Variants in PRDM1 observed in about 807,000 individuals in gnomAD.
PRDM1 encodes PR domain zinc finger protein 1.
In PRDM1, 13 loss-of-function variants were observed where a neutral mutation model predicts 62.8. The observed-to-expected ratio is 0.21, with a 90% confidence interval of 0.13 to 0.33. The LOEUF (loss-of-function observed/expected upper bound fraction) is 0.33, where lower values mean the gene tolerates loss of function less well. Ranked by LOEUF, PRDM1 falls within the 10% of genes least tolerant of loss-of-function variation. The probability of loss-of-function intolerance (pLI) is 1.00; values close to 1 mark genes in which losing one functional copy is unlikely to be tolerated. For synonymous variants in PRDM1, 396 were observed against 417.6 expected, an observed-to-expected ratio of 0.95 and a Z score of 0.63; for missense variants, 895 against 1,058.8, an observed-to-expected ratio of 0.85 and a Z score of 2.15.
chr6:106,038,151 A>G (rs535470817), intron 1 of PRDM1, among the ~76,000 whole-genome samples: 28 of 149,628 alleles, frequency 1.9e-4, no homozygotes, highest in Non-Finnish European at 3.6e-4. Context: ...TGCCCAGGTA[A>G]TTTTTCTATT....
chr6:106,022,565 C>A (rs1772708065), intron 1 of PRDM1, among the ~76,000 whole-genome samples: 1 of 151,926 alleles, frequency 6.6e-6, no homozygotes, highest in South Asian at 2.1e-4. Flanking sequence ...GCTGGGGTTA[C>A]AGGCACATGC....
At chr6:106,032,203 A>G (rs1772853560) in intron 1 of PRDM1, among the ~76,000 whole-genome samples, 1 of 152,178 alleles carries the variant, frequency 6.6e-6, no homozygotes, top group Non-Finnish European at 1.5e-5. Flanking sequence ...TTGCTCTGTC[A>G]CCCAGGCTGG....
chr6:106,063,842 T>C (rs1474004319), intron 1 of PRDM1, among the ~76,000 whole-genome samples: 1 of 152,226 alleles, frequency 6.6e-6, no homozygotes, highest in Non-Finnish European at 1.5e-5. Flanking sequence ...TTCATCTTCA[T>C]TGTGTCAGTG....
intron 1 of PRDM1, among the ~76,000 whole-genome samples, chr6:106,080,121 T>C (rs1027258005): frequency 4.6e-5 from 7 of 152,202 alleles, no homozygotes; most frequent in African/African-American, 2.4e-5. Context: ...TGGGTGAGAA[T>C]GAAGGCTTTA....
In PRDM1 at chr6:105,994,447, G is replaced by A. The variant is rs1772321384; in HGVS notation, c.-67+808G>A. Among the ~76,000 whole-genome samples the A allele has an allele frequency of 6.6e-6, 1 of 152,164 alleles. No homozygotes were observed. Among genetic ancestry groups the A allele is most frequent in the Admixed American group, 6.5e-5 (1 of 15,280 alleles). On this transcript the variant is annotated intron_variant, in intron 1 of 6. Coordinates refer to the PRDM1 transcript ENST00000652320. This position sits in a 1 kb window ranked among gnomAD's most constrained non-coding sequence, Gnocchi z 4.1. ...GACGAGCGGGGACGCGTGACAGCGCGGGGATAGCTTTTCTATTACGTTTCT... is the reference window on the plus strand; with the variant it reads ...GACGAGCGGGGACGCGTGACAGCGCAGGGATAGCTTTTCTATTACGTTTCT...
At chr6:106,038,023 T>TTTTTTTTTTTTTC (rs1772946425) in intron 1 of PRDM1, among the ~76,000 whole-genome samples, 1 of 105,402 alleles carries the variant, frequency 9.5e-6, no homozygotes, top group Non-Finnish European at 1.9e-5. Context: ...TCTTTTTTTT[T>TTTTTTTTTTTTTC]TTTTTTTTTT....
At chr6:106,012,068 TACACAC>T (rs796256891) in intron 1 of PRDM1, among the ~76,000 whole-genome samples, 1 of 86,840 alleles carries the variant, frequency 1.2e-5, no homozygotes, top group African/African-American at 4.6e-5. Context: ...CACACCACAC[TACACAC>T]ACACACAAAC....
chr6:106,026,433 C>A (rs1342331632), intron 1 of PRDM1, among the ~76,000 whole-genome samples: 1 of 151,982 alleles, frequency 6.6e-6, no homozygotes, highest in Non-Finnish European at 1.5e-5. Context: ...GAGCCAAGAT[C>A]GTGCCATTGC....
chr6:106,031,755 G>A (rs978385406), intron 1 of PRDM1, among the ~76,000 whole-genome samples: 1 of 152,106 alleles, frequency 6.6e-6, no homozygotes, highest in South Asian at 2.1e-4. Context: ...GAGGTGCCAG[G>A]GCAACAACCA....
intron 1 of PRDM1, among the ~76,000 whole-genome samples, chr6:106,027,859 C>G (rs1056328504): frequency 1.3e-5 from 2 of 152,174 alleles, no homozygotes; most frequent in Non-Finnish European, 2.9e-5. Flanking sequence ...TCACCAGCTC[C>G]TAATGCTGGG....
At chr6:106,086,664 T>G in intron 1 of PRDM1, 69 bp downstream of exon 1, 2 of 1,374,030 alleles carry the variant, frequency 1.5e-6, no homozygotes, top group Non-Finnish European at 2.0e-6. Flanking sequence ...TTTTCCTTTA[T>G]TGTTATTATT....
At position 106,099,663 on chromosome 6, in the gene PRDM1, G is replaced by A. The variant is rs565662131; in HGVS notation, c.664+111G>A. 9.2e-5 allele frequency: 133 copies of A among 1,444,868 alleles called. 1 individual carries two copies. The South Asian group carries it at 1.8e-3, about 20-fold the overall frequency. 89.5% of individuals were successfully genotyped at this position (1,444,868 alleles called of 1,614,324 possible). A position where few individuals can be genotyped will look rare whatever the true frequency, so the allele number is the denominator to read the frequency against. On this transcript the variant is annotated intron_variant, in intron 4 of 6. Coordinates refer to ENST00000369096, the MANE Select transcript of PRDM1 (RefSeq NM_001198.4). ...ACGGCTTTGTCATGTGTTGGATGAA[G>A]TAGGTGGCTTAAGCTAGGGACTAGG...
chr6:106,034,076 T>A (rs1772889317), intron 1 of PRDM1, among the ~76,000 whole-genome samples: 1 of 152,158 alleles, frequency 6.6e-6, no homozygotes, highest in African/African-American at 2.4e-5. Context: ...ATCATTTTTG[T>A]TTCTGTAGAA....
chr6:106,024,381 CCA>C (rs1030067602), intron 1 of PRDM1, among the ~76,000 whole-genome samples: 18 of 152,158 alleles, frequency 1.2e-4, no homozygotes, highest in African/African-American at 4.1e-4. Flanking sequence ...CATTTCCTCT[CCA>C]CATCTAATTA....
At chr6:106,094,584 T>C (rs950453329) in intron 2 of PRDM1, among the ~76,000 whole-genome samples, 1 of 152,178 alleles carries the variant, frequency 6.6e-6, no homozygotes, top group Non-Finnish European at 1.5e-5. Flanking sequence ...AACCTACAGC[T>C]TTCCTCCGTA....
chr6:106,054,386 G>C (rs576342888), intron 1 of PRDM1, among the ~76,000 whole-genome samples: 1 of 152,114 alleles, frequency 6.6e-6, no homozygotes, highest in South Asian at 2.1e-4. Flanking sequence ...ATTGCTACTT[G>C]TTCCTTTCTG....
At chr6:106,102,570 C>A (rs980892639) in intron 4 of PRDM1, among the ~76,000 whole-genome samples, 16 of 152,126 alleles carry the variant, frequency 1.1e-4, no homozygotes, top group African/African-American at 3.9e-4. Context: ...TTTTTGTTGG[C>A]CCAATCATAA....
chr6:105,998,917 ATATATATATATATATATT>A (rs1429900817), intron 1 of PRDM1, among the ~76,000 whole-genome samples: 452 of 3,748 alleles, frequency 0.12, 4 homozygotes, highest in Non-Finnish European at 0.18. Flanking sequence ...ATATATATAT[ATATATATATATATATATT>A]TTTTTTTTTT....
chr6:106,092,281 G>A (rs1773986347), intron 2 of PRDM1, among the ~76,000 whole-genome samples: 1 of 152,202 alleles, frequency 6.6e-6, no homozygotes, highest in African/African-American at 2.4e-5. Flanking sequence ...TGGAAACTGT[G>A]GACGGCGGGG....
Sources: gnomAD v4.1 joint callset for allele counts (sites outside exome capture counted in the v4.1 genomes callset) on GRCh38, gnomAD v4.1.1 for gene constraint, Gnocchi (gnomAD v3.1) non-coding constraint, MANE v1.5 for transcripts, NCBI Gene and HGNC (gene_info 2026-07-23, HGNC 2026-07-21) for gene names.